The following POLR1C variants were observed in gnomAD, a reference collection of about 807,000 sequenced individuals.
The protein encoded by POLR1C is DNA-directed RNA polymerases I and III subunit RPAC1.
Under a neutral mutation model 38.3 loss-of-function variants are expected in POLR1C, and 42 were observed. The ratio of observed to expected loss-of-function variants is 1.10; its 90% CI spans 0.86 to 1.42. POLR1C has a LOEUF of 1.42. Among genes scored for constraint, POLR1C ranks in the 40% most tolerant of loss-of-function variants. The pLI, the probability that POLR1C is intolerant of heterozygous loss-of-function variation, is 0.00. For missense variants in POLR1C, 507 were observed against 450.5 expected, an observed-to-expected ratio of 1.13 and a Z score of -1.14; for synonymous variants, 163 against 163.9, an observed-to-expected ratio of 0.99 and a Z score of 0.04.
At chr6:43,519,953 C>T in intron 4 of POLR1C, 113 bp from the exon 5 acceptor site, 3 of 1,540,348 alleles carry the variant, frequency 1.9e-6, no homozygotes. Context: ...TGTGAGAACA[C>T]TTGCCTTGTC....
intron 2 of POLR1C, among the ~76,000 whole-genome samples, chr6:43,518,286 G>A (rs954444437): frequency 2.0e-5 from 3 of 152,304 alleles, no homozygotes; most frequent in Admixed American, 2.0e-4. Context: ...TAGAAATAGA[G>A]CAAAGGTAGA....
chr6:43,555,641 A>G, intron 10 of POLR1C: 1 of 550,664 alleles, frequency 1.8e-6, no homozygotes, highest in South Asian at 4.4e-5. Flanking sequence ...CCCTAATTTA[A>G]AACAAATTTA....
chr6:43,527,796 A>T (rs1303351780), intron 8 of POLR1C: 2 of 1,562,542 alleles, frequency 1.3e-6, no homozygotes, highest in East Asian at 2.2e-5. Flanking sequence ...GAAAGCAGCG[A>T]CCCTAATCAG....
chr6:43,517,367 G>A lies in POLR1C; in HGVS notation c.131G>A (p.Arg44His). ...TATGATGATGCCTGGGACCAGGACC[G>A]CTTCGAGAAGGTAAGTGGGGCCGGA... Reference protein sequence around the residue: ...SGYDDAWDQDRFEKNFRVDVV... With the variant: ...SGYDDAWDQDHFEKNFRVDVV... The change falls in exon 2 of 9, where the codon CGC (arginine) becomes CAC (histidine). Residue 44 changes from arginine (R) to histidine (H), a missense_variant. Arg to His is a conservative substitution (Grantham distance 29). Transcript: ENST00000642195. The A allele has an allele frequency of 1.2e-6, 2 of 1,613,936 alleles. No homozygotes were observed. Among genetic ancestry groups the A allele is most frequent in the Non-Finnish European group, 1.7e-6 (2 of 1,179,928 alleles).
intron 9 of POLR1C, among the ~76,000 whole-genome samples, chr6:43,542,168 T>C (rs1794729862): frequency 6.6e-6 from 1 of 152,172 alleles, no homozygotes; most frequent in African/African-American, 2.4e-5. Flanking sequence ...TTTATTTTTT[T>C]TCTCTAAGGA....
intron 8 of POLR1C, 53 bp from the exon 9 acceptor site, chr6:43,521,129 G>C: frequency 6.2e-7 from 1 of 1,608,220 alleles, no homozygotes; most frequent in Non-Finnish European, 8.5e-7. Context: ...AAGTTTATGA[G>C]TAAGTTTTAC....
chr6:43,524,060 G>C, downstream of POLR1C: 1 of 1,586,834 alleles, frequency 6.3e-7, no homozygotes, highest in Non-Finnish European at 8.5e-7. Context: ...GTAGTTAAAA[G>C]ATTCTCTTGG....
At chr6:43,523,664 GCCCTAACTC>G (rs749245738), downstream of POLR1C, 15 of 859,372 alleles carry the variant, frequency 1.7e-5, 1 homozygote, top group South Asian at 2.0e-4. Flanking sequence ...AATAGTTTAA[GCCCTAACTC>G]CCTTTCTTGA....
chr6:43,553,302 A>G, intron 10 of POLR1C: 3 of 1,518,544 alleles, frequency 2.0e-6, no homozygotes, highest in Non-Finnish European at 2.7e-6. Flanking sequence ...ATAGCGTCCC[A>G]AAATAGAAAG....
At chr6:43,553,568 T>C in intron 10 of POLR1C, 3 of 1,513,022 alleles carry the variant, frequency 2.0e-6, no homozygotes, top group South Asian at 2.5e-5. Context: ...CATTGAAAGA[T>C]CGCAGAAGAC....
exon 11 of POLR1C, chr6:43,562,407 A>C: frequency 8.3e-7 from 1 of 1,210,180 alleles, no homozygotes; most frequent in Non-Finnish European, 1.2e-6. Flanking sequence ...TAAAAACATC[A>C]CTTTGTGTCT....
At chr6:43,523,592 A>C, downstream of POLR1C, 1 of 638,552 alleles carries the variant, frequency 1.6e-6, no homozygotes, top group Non-Finnish European at 3.0e-6. Flanking sequence ...GCTCTGCTCT[A>C]GCTTTTCTTG....
intron 9 of POLR1C, chr6:43,539,058 T>C (rs1794526986): frequency 6.6e-7 from 1 of 1,525,824 alleles, no homozygotes; most frequent in African/African-American, 1.4e-5. Context: ...ATACCAGCCA[T>C]CATGAGCAGC....
chr6:43,526,847 G>A, intron 8 of POLR1C: 1 of 1,236,886 alleles, frequency 8.1e-7, no homozygotes, highest in South Asian at 1.3e-5. Flanking sequence ...GGCCAGGTGA[G>A]GAAGGAGGAA....
chr6:43,520,984 A>T lies in POLR1C; in HGVS notation c.858A>T (p.Glu286Asp), dbSNP rs1310214776. 6.2e-7 allele frequency: 1 copy of T among 1,614,068 alleles called. No homozygotes were observed. The highest frequency in any genetic ancestry group is 8.5e-7 in the Non-Finnish European group (1 of 1,180,036). Residue 286 changes from glutamate (E) to aspartate (D), a missense_variant, in exon 8 of 9, where the codon GAA becomes GAT. By Grantham distance (45) the Glu-to-Asp change is conservative. Transcript: ENST00000642195. ...CCCGGCTGGATACCTTCAGCAGAGA[A>T]ATCTTCCGGAATGAGAAGCTAAAGA... is the stretch of plus-strand genomic sequence containing the variant. ...ANPRLDTFSR[E>D]IFRNEKLKKV...
At position 43,520,671 on chromosome 6, in the gene POLR1C, G is replaced by A. The variant is rs756588367; in HGVS notation, c.702G>A (p.Arg234=). Residue 234 remains arginine, a synonymous_variant, in exon 7 of 9, where the codon AGG becomes AGA. Coordinates refer to ENST00000642195, the MANE Select transcript of POLR1C (RefSeq NM_203290.4). The part of the protein sequence containing the change: ...KFSPVATASY[R]LLPDITLLEP... ...CACCAGTGGCAACAGCCAGTTACAG[G>A]CTCCTGCCAGACATCACCCTGCTTG... 28 of 1,613,994 alleles carry A rather than the reference G, an allele frequency of 1.7e-5. No individual in the cohort carries two copies. The highest frequency in any genetic ancestry group is 2.4e-5 in the Non-Finnish European group (28 of 1,179,986).
At chr6:43,539,144 C>A in intron 9 of POLR1C, 1 of 1,140,212 alleles carries the variant, frequency 8.8e-7, no homozygotes, top group African/African-American at 1.5e-5. Flanking sequence ...AGAGCCACGG[C>A]GGCCTGTCAC....
downstream of POLR1C, chr6:43,525,835 C>T (rs574458748): frequency 6.2e-7 from 1 of 1,613,902 alleles, no homozygotes; most frequent in South Asian, 1.1e-5. Flanking sequence ...CTCCTTCTAC[C>T]CACCTCATGC....
intron 9 of POLR1C, among the ~76,000 whole-genome samples, chr6:43,549,182 C>G (rs542757400): frequency 1.3e-5 from 2 of 152,232 alleles, no homozygotes; most frequent in Admixed American, 6.5e-5. Flanking sequence ...CTGCCTCAGC[C>G]TCCTGACTAG....
Sources: gnomAD v4.1 joint callset for allele counts (sites outside exome capture counted in the v4.1 genomes callset) on GRCh38, gnomAD v4.1.1 for gene constraint, MANE v1.5 for transcripts, NCBI Gene and HGNC (gene_info 2026-07-23, HGNC 2026-07-21) for gene names.